RBM18: variants seen among roughly 807,000 people sequenced by gnomAD.
RBM18 encodes RNA binding motif protein 18.
A neutral mutation model predicts 26.4 loss-of-function variants in RBM18; 18 were observed. The observed-to-expected ratio is 0.68, with a 90% CI of 0.47 to 1.01. The LOEUF (loss-of-function observed/expected upper bound fraction) is 1.01, where lower values mean the gene tolerates loss of function less well. Ranked by LOEUF, RBM18 falls within the 50% of genes least tolerant of loss-of-function variation. The pLI is 0.00. For missense variants in RBM18, 180 were observed against 219.2 expected, an observed-to-expected ratio of 0.82 and a Z score of 1.13; for synonymous variants, 74 against 81.1, an observed-to-expected ratio of 0.91 and a Z score of 0.47.
chr9:122,261,129 A>G (rs1260623786), intron 2 of RBM18, among the ~76,000 whole-genome samples: 4 of 152,110 alleles, frequency 2.6e-5, no homozygotes, highest in African/African-American at 4.8e-5. Context: ...AAATGGGAGA[A>G]CGTCTTTGGC....
At chr9:122,259,016 C>T (rs1831744615) in intron 2 of RBM18, among the ~76,000 whole-genome samples, 1 of 151,956 alleles carries the variant, frequency 6.6e-6, no homozygotes, top group Admixed American at 6.6e-5. Context: ...AGGGAAAGCC[C>T]AGCACTTCCA....
At chr9:122,244,132 G>C (rs141122493) in intron 5 of RBM18, among the ~76,000 whole-genome samples, 1 of 118,908 alleles carries the variant, frequency 8.4e-6, no homozygotes, top group African/African-American at 3.5e-5. Context: ...TAATTCCCTA[G>C]AGCACGAAAT....
intron 1 of RBM18, among the ~76,000 whole-genome samples, chr9:122,263,800 C>T (rs1322369438): frequency 6.6e-6 from 1 of 152,144 alleles, no homozygotes; most frequent in East Asian, 1.9e-4. Flanking sequence ...TTTATTACCA[C>T]GAAAAGGTAC....
chr9:122,263,425 T>TCTGCTTTCCTTTCCCC (rs1831868896), intron 1 of RBM18, among the ~76,000 whole-genome samples: 1 of 152,206 alleles, frequency 6.6e-6, no homozygotes, highest in African/African-American at 2.4e-5. Context: ...TTGTCTTCCC[T>TCTGCTTTCCTTTCCCC]CTGCTTTCCT....
At chr9:122,263,088 A>T (rs528422657) in intron 1 of RBM18, among the ~76,000 whole-genome samples, 1 of 152,332 alleles carries the variant, frequency 6.6e-6, no homozygotes, top group East Asian at 1.9e-4. Flanking sequence ...TCCTATACCC[A>T]GAAGTACCTC....
At chr9:122,262,766 G>A (rs189312766) in intron 1 of RBM18, among the ~76,000 whole-genome samples, 198 of 152,058 alleles carry the variant, frequency 1.3e-3, no homozygotes, top group Admixed American at 2.6e-3. Context: ...GTATTTTCTT[G>A]TAGAGGCAGG....
chr9:122,251,702 T>G, intron 3 of RBM18, 145 bp downstream of exon 3: 1 of 691,982 alleles, frequency 1.4e-6, no homozygotes, highest in Non-Finnish European at 2.4e-6. Context: ...TGAGGATCCC[T>G]TATAGGACTC....
intron 2 of RBM18, among the ~76,000 whole-genome samples, chr9:122,258,614 CTGTT>C (rs1831735296): frequency 6.6e-6 from 1 of 151,968 alleles, no homozygotes; most frequent in Non-Finnish European, 1.5e-5. Context: ...ATAAACCAGT[CTGTT>C]TGACAGATAA....
intron 5 of RBM18, among the ~76,000 whole-genome samples, chr9:122,243,323 T>G (rs1160201431): frequency 6.6e-6 from 1 of 152,222 alleles, no homozygotes. Context: ...TTATCATGCA[T>G]GTTTTATAGA....
At chr9:122,256,343 C>T (rs1831697736) in intron 2 of RBM18, among the ~76,000 whole-genome samples, 1 of 152,152 alleles carries the variant, frequency 6.6e-6, no homozygotes, top group South Asian at 2.1e-4. Flanking sequence ...ACTCAGATTC[C>T]TCCTTCTATT....
chr9:122,253,942 C>T (rs1421019532), intron 2 of RBM18, among the ~76,000 whole-genome samples: 1 of 151,192 alleles, frequency 6.6e-6, no homozygotes, highest in Non-Finnish European at 1.5e-5. Context: ...GCAAGAGAAT[C>T]ACTTGAATCC....
At chr9:122,255,912 T>C (rs908518589) in intron 2 of RBM18, among the ~76,000 whole-genome samples, 2 of 151,810 alleles carry the variant, frequency 1.3e-5, no homozygotes, top group South Asian at 2.1e-4. Context: ...GGTGGGAGGA[T>C]TGCCTGAGCT....
chr9:122,252,521 A>C (rs1166336933), intron 2 of RBM18, among the ~76,000 whole-genome samples: 1 of 152,242 alleles, frequency 6.6e-6, no homozygotes, highest in East Asian at 1.9e-4. Flanking sequence ...ACTTGTGAGA[A>C]ACTCTGCCAT....
chr9:122,249,386 A>G (rs10818660), intron 3 of RBM18, among the ~76,000 whole-genome samples: 49,251 of 152,054 alleles, frequency 0.32, 9,158 homozygotes, highest in South Asian at 0.48. Context: ...ACCAACATCT[A>G]TGCCCAACAT....
chr9:122,257,444 C>T (rs1199844592), intron 2 of RBM18, among the ~76,000 whole-genome samples: 1 of 152,210 alleles, frequency 6.6e-6, no homozygotes, highest in African/African-American at 2.4e-5. Context: ...CCACCGCGCC[C>T]AGCCAATGGT....
rs539983628 is a variant in RBM18, at chr9:122,239,738, G to A, written c.*2146C>T. 6.6e-6 allele frequency: 1 copy of A among 152,328 alleles called. No individual in the cohort carries two copies. The highest frequency in any genetic ancestry group is 6.5e-5 in the Admixed American group (1 of 15,308). The allele number at this position is 152,328 out of a possible 1,614,324, so 9.4% of individuals were successfully genotyped here. Reference sequence around the variant, plus strand: ...CTAAACACAGTACGATACTTGCAGAGATTTCCATTAACAACTTCTTTTCAA... The same window carrying A: ...CTAAACACAGTACGATACTTGCAGAAATTTCCATTAACAACTTCTTTTCAA... On this transcript the variant is annotated 3_prime_UTR_variant, in exon 6 of 6. Coordinates refer to ENST00000417201, the MANE Select transcript of RBM18 (RefSeq NM_033117.4).
intron 5 of RBM18, among the ~76,000 whole-genome samples, chr9:122,243,251 C>A (rs1387988383): frequency 6.6e-6 from 1 of 152,198 alleles, no homozygotes. Flanking sequence ...GGATTACAGG[C>A]ATGAGCCACT....
intron 2 of RBM18, among the ~76,000 whole-genome samples, chr9:122,252,477 T>C (rs1353522711): frequency 1.3e-5 from 2 of 152,248 alleles, no homozygotes; most frequent in Non-Finnish European, 2.9e-5. Context: ...ATCTTCCTAT[T>C]AGATTTTGTA....
chr9:122,247,494 G>A (rs200232710), intron 4 of RBM18, 24 bp downstream of exon 4: 65 of 1,593,448 alleles, frequency 4.1e-5, no homozygotes, highest in Middle Eastern at 1.7e-4. Context: ...GAGGCTTGAT[G>A]TCTTTCTAGC....
Sources: gnomAD v4.1 joint callset for allele counts (sites outside exome capture counted in the v4.1 genomes callset) on GRCh38, gnomAD v4.1.1 for gene constraint, MANE v1.5 for transcripts, NCBI Gene and HGNC (gene_info 2026-07-23, HGNC 2026-07-21) for gene names.